The following TENM3 variants were observed in gnomAD, a reference collection of about 807,000 sequenced individuals.
The protein encoded by TENM3 is teneurin transmembrane protein 3.
In TENM3, 63 loss-of-function variants were observed where a neutral mutation model predicts 255.1. The ratio of observed to expected loss-of-function variants is 0.25; its 90% confidence interval spans 0.20 to 0.30. The LOEUF (loss-of-function observed/expected upper bound fraction) is 0.30, where lower values mean the gene tolerates loss of function less well. TENM3 is among the 10% of genes least tolerant of loss of function. TENM3 has a pLI of 1.00. For missense variants in TENM3, 2,929 were observed against 3,461.1 expected, an observed-to-expected ratio of 0.85 and a Z score of 3.86; for synonymous variants, 1,306 against 1,322.3, an observed-to-expected ratio of 0.99 and a Z score of 0.27.
At chr4:182,457,458 T>A (rs1311260465) in intron 3 of TENM3, among the ~76,000 whole-genome samples, 1 of 150,078 alleles carries the variant, frequency 6.7e-6, no homozygotes, top group Non-Finnish European at 1.5e-5. Context: ...ACTTTTATGA[T>A]CTCTATTTTA....
At chr4:182,599,259 A>G (rs1747592569) in intron 3 of TENM3, among the ~76,000 whole-genome samples, 2 of 152,208 alleles carry the variant, frequency 1.3e-5, no homozygotes, top group African/African-American at 4.8e-5. Flanking sequence ...TTTCTAACAC[A>G]ATGACAACTG....
the TENM3 span, among the ~76,000 whole-genome samples, chr4:181,660,140 G>A: frequency 1.3e-3 from 196 of 152,228 alleles, 1 homozygote; most frequent in African/African-American, 4.0e-3. Context: ...GCAATGAAAC[G>A]TTCCTAATTC....
the TENM3 span, among the ~76,000 whole-genome samples, chr4:182,100,706 T>C: frequency 1.2e-4 from 2 of 17,354 alleles, no homozygotes; most frequent in African/African-American, 1.5e-4. Context: ...CACATATATA[T>C]ACACACATAT....
intron 3 of TENM3, among the ~76,000 whole-genome samples, chr4:182,351,062 A>G (rs1765144047): frequency 1.3e-5 from 2 of 151,020 alleles, no homozygotes; most frequent in Non-Finnish European, 2.9e-5. Context: ...CTCAGTTCCA[A>G]ATACCTATTT....
At position 182,801,203 on chromosome 4, in the gene TENM3, TAG is replaced by T. The variant is rs1766934831; in HGVS notation, c.*856_*857del. The T allele has an allele frequency of 2.0e-5, 3 of 152,650 alleles. No individual in the cohort carries two copies. Among genetic ancestry groups the T allele is most frequent in the Non-Finnish European group, 4.4e-5 (3 of 68,044 alleles). The allele number at this position is 152,650 out of a possible 1,614,324, so 9.5% of individuals were successfully genotyped here. A position where few individuals can be genotyped will look rare whatever the true frequency, so the allele number is the denominator to read the frequency against. ...CTGTACAGTATGAATTATTATATTG[TAG>T]AGATATAACAACTTATGCCTATAAT... On this transcript the variant is annotated 3_prime_UTR_variant, in exon 28 of 28. Coordinates refer to ENST00000511685, the MANE Select transcript of TENM3 (RefSeq NM_001080477.4).
chr4:181,839,674 T>G, the TENM3 span, among the ~76,000 whole-genome samples: 1 of 151,204 alleles, frequency 6.6e-6, no homozygotes, highest in Non-Finnish European at 1.5e-5. Flanking sequence ...TTGGGGGTGC[T>G]TTTTCACTAT....
Position 182,688,225 on chromosome 4 carries a change from G to A in TENM3, c.2095G>A (p.Glu699Lys). 6.2e-7 allele frequency: 1 copy of A among 1,613,946 alleles called. No homozygotes were observed. The highest frequency in any genetic ancestry group is 1.1e-5 in the South Asian group (1 of 91,068). ...GVCMGGTCRCEEGWTGPACNQ... is the reference protein window; with the variant it reads ...GVCMGGTCRCKEGWTGPACNQ... ...TTGCATGGGGGGGACGTGTCGCTGT[G>A]AAGAAGGCTGGACGGGCCCAGCCTG... Residue 699 changes from glutamate (E) to lysine (K), a missense_variant, in exon 12 of 28, where the codon GAA becomes AAA. Around this residue, in one of 6 missense-constraint regions of TENM3, gnomAD observed 1,608 missense variants for 1,884.4 expected, o/e 0.85. Coordinates refer to ENST00000511685, the MANE Select transcript of TENM3 (RefSeq NM_001080477.4).
At chr4:182,298,719 T>A (rs1761648896) in intron 1 of TENM3, among the ~76,000 whole-genome samples, 1 of 151,942 alleles carries the variant, frequency 6.6e-6, no homozygotes, top group South Asian at 2.1e-4. Flanking sequence ...ATGCCTGTAA[T>A]CCCAGCACTT....
At chr4:182,702,608 G>C (rs1299544683) in intron 12 of TENM3, among the ~76,000 whole-genome samples, 1 of 152,068 alleles carries the variant, frequency 6.6e-6, no homozygotes, top group Non-Finnish European at 1.5e-5. Flanking sequence ...TTAATTCTCA[G>C]GTAGAAGCTA....
At chr4:182,280,939 G>A (rs1760342868) in intron 1 of TENM3, among the ~76,000 whole-genome samples, 2 of 152,182 alleles carry the variant, frequency 1.3e-5, no homozygotes, top group African/African-American at 2.4e-5. Flanking sequence ...TAAACCACTA[G>A]ACTAGATACT....
chr4:182,492,176 A>G (rs886161511), intron 3 of TENM3, among the ~76,000 whole-genome samples: 6 of 152,202 alleles, frequency 3.9e-5, no homozygotes, highest in Non-Finnish European at 8.8e-5. Flanking sequence ...TAGTGGCACT[A>G]TACATTTTAA....
intron 3 of TENM3, among the ~76,000 whole-genome samples, chr4:182,360,604 G>C (rs971578015): frequency 3.3e-5 from 5 of 152,034 alleles, no homozygotes; most frequent in Non-Finnish European, 5.9e-5. Context: ...TTATTTTGAG[G>C]CTATGTGTGT....
rs930993723 is a variant in TENM3 at position 182,260,524 on chromosome 4, C to T, written c.-76+17048C>T. Among the ~76,000 whole-genome samples the T allele has an allele frequency of 3.9e-5, 6 of 152,134 alleles. No individual in the cohort carries two copies. In the East Asian group the frequency reaches 7.7e-4, roughly 20 times the overall value. On this transcript the variant is annotated intron_variant, in intron 1 of 27. Coordinates refer to ENST00000511685, the MANE Select transcript of TENM3 (RefSeq NM_001080477.4). Reference sequence around the variant, plus strand: ...TAAATTTATTACCTACTAAATAATACTTAGATATAATAAGAATTATACAGT... The same window carrying T: ...TAAATTTATTACCTACTAAATAATATTTAGATATAATAAGAATTATACAGT...
chr4:182,629,866 G>A (rs563948419), intron 5 of TENM3, among the ~76,000 whole-genome samples: 2 of 152,292 alleles, frequency 1.3e-5, no homozygotes, highest in South Asian at 4.1e-4. Context: ...ATGCACTTTG[G>A]AAAGTGAAAT....
chr4:181,624,970 T>G, the TENM3 span, among the ~76,000 whole-genome samples: 1 of 152,166 alleles, frequency 6.6e-6, no homozygotes, highest in Non-Finnish European at 1.5e-5. Context: ...CTTTATACAG[T>G]AATCTCAGAG....
the TENM3 span, among the ~76,000 whole-genome samples, chr4:181,480,258 G>A: frequency 6.6e-6 from 1 of 152,014 alleles, no homozygotes; most frequent in Admixed American, 6.6e-5. Flanking sequence ...TTACCACCTG[G>A]AAATAGTTGC....
At chr4:182,489,878 T>A (rs1735121470) in intron 3 of TENM3, among the ~76,000 whole-genome samples, 1 of 149,308 alleles carries the variant, frequency 6.7e-6, no homozygotes. Context: ...CTTCCTCCCT[T>A]CCTCTTTCTT....
chr4:182,768,282 C>T (rs1395849208), intron 22 of TENM3, among the ~76,000 whole-genome samples: 1 of 152,148 alleles, frequency 6.6e-6, no homozygotes, highest in African/African-American at 2.4e-5. Flanking sequence ...GCACCAAAGA[C>T]GATAAATACT....
the TENM3 span, among the ~76,000 whole-genome samples, chr4:181,467,618 AT>A: frequency 6.6e-6 from 1 of 152,166 alleles, no homozygotes; most frequent in African/African-American, 2.4e-5. Context: ...AGAAAAAAAG[AT>A]TCAAGTGTGG....
Sources: gnomAD v4.1 joint callset for allele counts (sites outside exome capture counted in the v4.1 genomes callset) on GRCh38, gnomAD v4.1.1 for gene constraint, gnomAD v4.1.1 regional missense constraint, MANE v1.5 for transcripts, NCBI Gene and HGNC (gene_info 2026-07-23, HGNC 2026-07-21) for gene names.